SLC14A2: variants seen among roughly 807,000 people sequenced by gnomAD.
The protein encoded by SLC14A2 is solute carrier family 14 member 2.
A neutral mutation model predicts 104.6 loss-of-function variants in SLC14A2; 91 were observed. That is an observed-to-expected ratio of 0.87 (90% CI 0.73 to 1.04). The LOEUF (loss-of-function observed/expected upper bound fraction) is 1.04. Among genes scored for constraint, SLC14A2 ranks in the 50% least tolerant of loss-of-function variants. The pLI is 0.00. For synonymous variants in SLC14A2, 476 were observed against 466.4 expected (o/e 1.02, Z -0.27); for missense variants, 1,189 against 1,156.0 (o/e 1.03, Z -0.41).
chr18:45,169,544 A>G, the SLC14A2 span, among the ~76,000 whole-genome samples: 1 of 152,226 alleles, frequency 6.6e-6, no homozygotes, highest in Admixed American at 6.5e-5. Flanking sequence ...AGTCAGAGTT[A>G]CATTAGGTTT....
intron 1 of SLC14A2, among the ~76,000 whole-genome samples, chr18:45,345,181 G>A (rs372858959): frequency 6.6e-6 from 1 of 152,216 alleles, no homozygotes; most frequent in Admixed American, 6.5e-5. Flanking sequence ...AATAAAGAAA[G>A]CTGTCTGGCC....
intron 2 of SLC14A2, among the ~76,000 whole-genome samples, chr18:45,565,578 G>A (rs1207194764): frequency 6.6e-6 from 1 of 152,192 alleles, no homozygotes; most frequent in East Asian, 1.9e-4. Flanking sequence ...ACATGAGGAC[G>A]ATGAGGCTCA....
chr18:45,539,093 C>A (rs1011650500), intron 2 of SLC14A2, among the ~76,000 whole-genome samples: 17 of 151,472 alleles, frequency 1.1e-4, no homozygotes, highest in Admixed American at 9.9e-4. Flanking sequence ...AATAACCACA[C>A]CCAGCACTAT....
chr18:45,351,622 C>T (rs1185287739), intron 1 of SLC14A2, among the ~76,000 whole-genome samples: 1 of 152,206 alleles, frequency 6.6e-6, no homozygotes, highest in Non-Finnish European at 1.5e-5. Context: ...CCCAAAAATG[C>T]TGGTATTACA....
intron 1 of SLC14A2, among the ~76,000 whole-genome samples, chr18:45,473,708 T>C (rs1336548609): frequency 1.3e-5 from 2 of 152,256 alleles, no homozygotes; most frequent in African/African-American, 4.8e-5. Flanking sequence ...GGAATGCTTG[T>C]GACTTTTGCA....
intron 6 of SLC14A2, among the ~76,000 whole-genome samples, chr18:45,639,145 C>T (rs1037237928): frequency 6.6e-6 from 1 of 152,146 alleles, no homozygotes; most frequent in African/African-American, 2.4e-5. Context: ...GCCTACTGCT[C>T]CTTTCCAAAG....
intron 1 of SLC14A2, among the ~76,000 whole-genome samples, chr18:45,297,657 G>A (rs530365911): frequency 7.5e-6 from 1 of 134,226 alleles, no homozygotes; most frequent in East Asian, 2.0e-4. Flanking sequence ...TGCTGGGATG[G>A]CTCACTGGAA....
Position 45,624,773 on chromosome 18 carries a change from A to G in SLC14A2, c.109A>G (p.Thr37Ala), listed in dbSNP as rs150277610. The G allele has an allele frequency of 1.5e-5, 25 of 1,612,948 alleles. No individual in the cohort carries two copies. The highest frequency in any genetic ancestry group is 3.3e-5 in the Admixed American group (2 of 59,842). ...SPSWPSTSPD[T>A]HPALPLLEMP... ...GAGCTGGCCCTCGACATCCCCGGAT[A>G]CTCACCCAGCTCTGCCCCTCCTGGA... The change falls in exon 2 of 20, where the codon ACT becomes GCT. Residue 37 changes from threonine (T) to alanine (A), a missense_variant. By Grantham distance (58) the Thr-to-Ala change is moderately conservative. Coordinates refer to ENST00000255226, the MANE Select transcript of SLC14A2 (RefSeq NM_007163.4).
At chr18:45,327,389 A>G (rs1178138917) in intron 1 of SLC14A2, among the ~76,000 whole-genome samples, 1 of 152,190 alleles carries the variant, frequency 6.6e-6, no homozygotes, top group Non-Finnish European at 1.5e-5. Context: ...CCAGTGTACC[A>G]TGCTAAATGA....
At chr18:45,168,076 G>A in the SLC14A2 span, among the ~76,000 whole-genome samples, 6 of 152,150 alleles carry the variant, frequency 3.9e-5, no homozygotes, top group Admixed American at 2.0e-4. Context: ...GAGTTCATCC[G>A]TCTTGATGTT....
intron 1 of SLC14A2, among the ~76,000 whole-genome samples, chr18:45,392,624 C>T (rs1568180172): frequency 1.3e-5 from 2 of 152,166 alleles, no homozygotes; most frequent in South Asian, 2.1e-4. Flanking sequence ...TGTAACTATA[C>T]ACTTTATATC....
At chr18:45,168,345 T>C in the SLC14A2 span, among the ~76,000 whole-genome samples, 2 of 152,228 alleles carry the variant, frequency 1.3e-5, no homozygotes, top group Admixed American at 6.5e-5. Context: ...GTGAATACCA[T>C]GTGGGCTTTG....
In SLC14A2 at chr18:45,535,264, A is replaced by G. The variant is rs116157171; in HGVS notation, c.-35+51942A>G. 1.3e-3 allele frequency among the ~76,000 whole-genome samples: 196 copies of G among 152,280 alleles called. 1 individual carries two copies. Among genetic ancestry groups the G allele is most frequent in the African/African-American group, 4.5e-3 (186 of 41,568 alleles). On this transcript the variant is annotated intron_variant, in intron 2 of 20. Coordinates refer to the SLC14A2 transcript ENST00000586448. ...ATTAATGACAAAGCTGGAGGAGATT[A>G]TTTTACGTACCTCCATCATTTCTGA... is the stretch of plus-strand genomic sequence containing the variant.
chr18:45,665,688 C>CTTTTTTTTTTTTTTTT lies in SLC14A2; in HGVS notation c.1475-436_1475-421dup, dbSNP rs146248418. 1.3e-4 allele frequency among the ~76,000 whole-genome samples: 10 copies of CTTTTTTTTTTTTTTTT among 79,302 alleles called. 1 individual carries two copies. The highest frequency in any genetic ancestry group is 4.9e-4 in the East Asian group (1 of 2,032). The allele number at this position is 79,302 out of a possible 152,430, so 52.0% of individuals were successfully genotyped here. A position where few individuals can be genotyped will look rare whatever the true frequency, so the allele number is the denominator to read the frequency against. On this transcript the variant is annotated intron_variant, in intron 11 of 19. Coordinates refer to ENST00000255226, the MANE Select transcript of SLC14A2 (RefSeq NM_007163.4). ...AAGGGCTTCAACAACAACCAAGTTT[C>CTTTTTTTTTTTTTTTT]TTTTTTTTTTTTTTTTTTTTTTTTT...
At chr18:45,624,170 G>A (rs1403582069) in intron 1 of SLC14A2, among the ~76,000 whole-genome samples, 2 of 152,054 alleles carry the variant, frequency 1.3e-5, no homozygotes, top group African/African-American at 2.4e-5. Context: ...GGAAGAGAAG[G>A]AAGACTGGAG....
rs181897694 is a variant in SLC14A2 at position 45,670,110 on chromosome 18, C to G, written c.2229+612C>G. 3.0e-4 allele frequency among the ~76,000 whole-genome samples: 46 copies of G among 152,230 alleles called. 1 individual carries two copies. The East Asian group carries it at 4.4e-3, about 15-fold the overall frequency. On this transcript the variant is annotated intron_variant, in intron 16 of 19. Coordinates refer to ENST00000255226, the MANE Select transcript of SLC14A2 (RefSeq NM_007163.4). ...GTCACTGCACTCCATGAGACTCTATCTCCAAAACAAAAACAAAAACCCCAA... is the reference window on the plus strand; with the variant it reads ...GTCACTGCACTCCATGAGACTCTATGTCCAAAACAAAAACAAAAACCCCAA...
intron 2 of SLC14A2, among the ~76,000 whole-genome samples, chr18:45,495,298 G>T (rs936254131): frequency 6.6e-6 from 1 of 152,136 alleles, no homozygotes; most frequent in Non-Finnish European, 1.5e-5. Flanking sequence ...AGAAAAATAG[G>T]AAATAAAAAC....
At chr18:45,498,054 G>A (rs2043129834) in intron 2 of SLC14A2, among the ~76,000 whole-genome samples, 1 of 152,066 alleles carries the variant, frequency 6.6e-6, no homozygotes, top group Non-Finnish European at 1.5e-5. Flanking sequence ...AAAATAAGAG[G>A]AAGATTCTGT....
At chr18:45,629,935 T>C (rs1424781253) in intron 4 of SLC14A2, among the ~76,000 whole-genome samples, 1 of 152,236 alleles carries the variant, frequency 6.6e-6, no homozygotes, top group Non-Finnish European at 1.5e-5. Context: ...CTGTGATCCC[T>C]GACACCAGCT....
Sources: gnomAD v4.1 joint callset for allele counts (sites outside exome capture counted in the v4.1 genomes callset) on GRCh38, gnomAD v4.1.1 for gene constraint, MANE v1.5 for transcripts, NCBI Gene and HGNC (gene_info 2026-07-23, HGNC 2026-07-21) for gene names.